RPSA2: variants seen among roughly 807,000 people sequenced by gnomAD.
The protein encoded by RPSA2 is ribosomal protein SA 2, also known as small ribosomal subunit protein uS2B.
At chr19:23,806,760 G>A in the RPSA2 span, among the ~76,000 whole-genome samples, 1 of 146,406 alleles carries the variant, frequency 6.8e-6, no homozygotes, top group African/African-American at 2.6e-5. Flanking sequence ...ACTCCAACCT[G>A]GGTGACAGAG....
chr19:23,848,700 G>A, the RPSA2 span, among the ~76,000 whole-genome samples: 1 of 152,180 alleles, frequency 6.6e-6, no homozygotes, highest in Non-Finnish European at 1.5e-5. Context: ...GCATTTGCAT[G>A]TGATGATCGA....
At chr19:23,850,515 G>A in the RPSA2 span, among the ~76,000 whole-genome samples, 13,930 of 148,376 alleles carry the variant, frequency 0.094, 901 homozygotes, top group South Asian at 0.17. Flanking sequence ...AGGTGGCACA[G>A]ATCTCACCAG....
the RPSA2 span, among the ~76,000 whole-genome samples, chr19:23,768,992 T>C: frequency 0.011 from 1,652 of 152,320 alleles, 33 homozygotes; most frequent in African/African-American, 0.038. Flanking sequence ...AACTCTCCTC[T>C]TCAGCCGGGC....
the RPSA2 span, among the ~76,000 whole-genome samples, chr19:23,862,896 C>CTTTTTTTTT: frequency 4.9e-5 from 7 of 142,722 alleles, no homozygotes; most frequent in African/African-American, 1.0e-4. Context: ...TTCTTTCTTT[C>CTTTTTTTTT]TTTTTTTTTT....
chr19:23,824,580 CTTT>C, the RPSA2 span, among the ~76,000 whole-genome samples: 2 of 63,822 alleles, frequency 3.1e-5, 1 homozygote, highest in Non-Finnish European at 5.6e-5. Flanking sequence ...TATAGCATTT[CTTT>C]TTTTTTTTTT....
the RPSA2 span, among the ~76,000 whole-genome samples, chr19:23,844,248 T>C: frequency 6.6e-6 from 1 of 152,208 alleles, no homozygotes; most frequent in Non-Finnish European, 1.5e-5. Flanking sequence ...TGGTTTATCA[T>C]TGTTATTATA....
chr19:23,820,483 T>C, the RPSA2 span, among the ~76,000 whole-genome samples: 1 of 152,120 alleles, frequency 6.6e-6, no homozygotes, highest in Non-Finnish European at 1.5e-5. Flanking sequence ...AGGAGAGGCA[T>C]GGTCAGGGCT....
chr19:23,826,786 A>G, the RPSA2 span, among the ~76,000 whole-genome samples: 1 of 152,008 alleles, frequency 6.6e-6, no homozygotes, highest in Admixed American at 6.5e-5. Flanking sequence ...CCTGGGTTCA[A>G]GCAATTCTTT....
At chr19:23,772,913 C>T in the RPSA2 span, among the ~76,000 whole-genome samples, 1 of 152,116 alleles carries the variant, frequency 6.6e-6, no homozygotes, top group Non-Finnish European at 1.5e-5. Flanking sequence ...GAAGTATGGT[C>T]ATGGGTGCTT....
chr19:23,851,694 G>C, the RPSA2 span, among the ~76,000 whole-genome samples: 3 of 152,162 alleles, frequency 2.0e-5, no homozygotes, highest in East Asian at 3.9e-4. Flanking sequence ...AAATAAGCTT[G>C]TCTGTAGGAC....
the RPSA2 span, among the ~76,000 whole-genome samples, chr19:23,779,390 G>T: frequency 1.3e-5 from 2 of 152,004 alleles, no homozygotes; most frequent in Admixed American, 6.6e-5. Flanking sequence ...GTATCACTGG[G>T]CCTAACACCT....
At chr19:23,831,946 A>G in the RPSA2 span, 4 of 328,338 alleles carry the variant, frequency 1.2e-5, no homozygotes, top group Admixed American at 1.0e-4. Flanking sequence ...ACATAAAAGC[A>G]TTTATACTAG....
At chr19:23,828,321 TTC>T in the RPSA2 span, among the ~76,000 whole-genome samples, 1 of 104,196 alleles carries the variant, frequency 9.6e-6, no homozygotes, top group South Asian at 4.0e-4. Context: ...CATTCTTTCT[TTC>T]TTTTTTTTTT....
the RPSA2 span, among the ~76,000 whole-genome samples, chr19:23,829,261 G>T: frequency 2.0e-5 from 3 of 151,794 alleles, no homozygotes; most frequent in Admixed American, 6.6e-5. Flanking sequence ...TTCCATCTTT[G>T]TGTCTTTTTG....
the RPSA2 span, among the ~76,000 whole-genome samples, chr19:23,790,280 A>G: frequency 6.6e-6 from 1 of 152,184 alleles, no homozygotes; most frequent in African/African-American, 2.4e-5. Flanking sequence ...TACAGACGTG[A>G]GCCGCTGGAC....
At chr19:23,799,202 T>A in the RPSA2 span, 1 of 152,376 alleles carries the variant, frequency 6.6e-6, no homozygotes, top group South Asian at 2.1e-4. Context: ...ACTTCTTTTT[T>A]TTCTCTCAAT....
the RPSA2 span, chr19:23,832,768 C>T: frequency 0.12 from 184,985 of 1,554,948 alleles, 11,615 homozygotes; most frequent in East Asian, 0.2. Flanking sequence ...AATCCTTACT[C>T]GACATAAGAT....
At chr19:23,860,522 A>G in the RPSA2 span, among the ~76,000 whole-genome samples, 4 of 152,258 alleles carry the variant, frequency 2.6e-5, no homozygotes, top group South Asian at 8.3e-4. Flanking sequence ...TTAGAACTGG[A>G]ATCATATTAT....
the RPSA2 span, among the ~76,000 whole-genome samples, chr19:23,770,405 T>C: frequency 6.6e-6 from 1 of 152,120 alleles, no homozygotes; most frequent in Admixed American, 6.5e-5. Context: ...GAACTGCCCA[T>C]GGAAGTATTA....
Sources: allele counts gnomAD v4.1 joint callset (sites outside exome capture counted in the v4.1 genomes callset), GRCh38; gene constraint gnomAD v4.1.1; transcripts MANE v1.5; gene names NCBI Gene and HGNC (gene_info 2026-07-23, HGNC 2026-07-21).